The following IGSF11 variants were observed in gnomAD, a reference collection of about 807,000 sequenced individuals.
The protein encoded by IGSF11 is CXADR like 1.
Under a neutral mutation model 41.0 loss-of-function variants are expected in IGSF11, and 22 were observed. The ratio of observed to expected loss-of-function variants is 0.54; its 90% CI spans 0.38 to 0.77. The LOEUF (loss-of-function observed/expected upper bound fraction) is 0.77. Among genes scored for constraint, IGSF11 ranks in the 30% least tolerant of loss-of-function variants. The pLI, the probability that IGSF11 is intolerant of heterozygous loss-of-function variation, is 0.00. For missense variants in IGSF11, 444 were observed against 530.8 expected (o/e 0.84, Z 1.61); for synonymous variants, 219 against 201.3 (o/e 1.09, Z -0.74).
intron 1 of IGSF11, among the ~76,000 whole-genome samples, chr3:119,070,024 G>A (rs1399679551): frequency 1.3e-5 from 2 of 152,148 alleles, no homozygotes; most frequent in African/African-American, 4.8e-5. Flanking sequence ...TTAACATTGG[G>A]AAATATATTC....
chr3:119,079,675 A>G (rs1442391852), intron 1 of IGSF11, among the ~76,000 whole-genome samples: 1 of 152,236 alleles, frequency 6.6e-6, no homozygotes, highest in Non-Finnish European at 1.5e-5. Flanking sequence ...AATGTGATGC[A>G]TATATACCAT....
intron 1 of IGSF11, among the ~76,000 whole-genome samples, chr3:119,045,168 G>A (rs9882832): frequency 0.016 from 2,510 of 152,254 alleles, 75 homozygotes; most frequent in African/African-American, 0.057. Context: ...GAACAGCTCC[G>A]GTCTACAGCT....
At chr3:118,908,585 T>C (rs1939891102) in intron 4 of IGSF11, among the ~76,000 whole-genome samples, 1 of 152,174 alleles carries the variant, frequency 6.6e-6, no homozygotes, top group South Asian at 2.1e-4. Context: ...AGAGAATAAA[T>C]ATATTTTTTA....
At chr3:118,903,155 G>A (rs113252006) in intron 6 of IGSF11, among the ~76,000 whole-genome samples, 194 bp from the exon 7 acceptor site, 3 of 151,990 alleles carry the variant, frequency 2.0e-5, no homozygotes, top group African/African-American at 4.8e-5. Flanking sequence ...TTGAGACAAC[G>A]GTCAAGAAAA....
intron 1 of IGSF11, among the ~76,000 whole-genome samples, chr3:118,959,245 C>T (rs568046166): frequency 7.9e-5 from 12 of 152,180 alleles, no homozygotes; most frequent in African/African-American, 2.4e-4. Context: ...CACAAGTCTC[C>T]GCTTAGACAA....
intron 1 of IGSF11, among the ~76,000 whole-genome samples, chr3:118,992,987 A>G (rs969193487): frequency 2.6e-5 from 4 of 152,228 alleles, no homozygotes; most frequent in African/African-American, 9.6e-5. Context: ...GCACCTTGGG[A>G]GGCCAAGGCA....
chr3:119,017,487 C>T (rs1938835007), intron 1 of IGSF11, among the ~76,000 whole-genome samples: 1 of 152,166 alleles, frequency 6.6e-6, no homozygotes, highest in Non-Finnish European at 1.5e-5. Context: ...CCATTGTTAA[C>T]CAAAACATCA....
At chr3:119,000,961 G>A (rs1936762250) in intron 1 of IGSF11, among the ~76,000 whole-genome samples, 1 of 151,962 alleles carries the variant, frequency 6.6e-6, no homozygotes, top group Admixed American at 6.6e-5. Flanking sequence ...CTCTTTCATT[G>A]CCCAGCAACC....
At chr3:119,131,877 A>G (rs558107730) in intron 1 of IGSF11, among the ~76,000 whole-genome samples, 3 of 152,378 alleles carry the variant, frequency 2.0e-5, no homozygotes, top group Admixed American at 2.0e-4. Context: ...ACAAGCCAGA[A>G]GAGAGTGAGG....
chr3:118,990,339 AG>A (rs2107650991), intron 1 of IGSF11, among the ~76,000 whole-genome samples: 1 of 152,342 alleles, frequency 6.6e-6, no homozygotes, highest in East Asian at 1.9e-4. Context: ...AAAACAGGCA[AG>A]AAAGAATGGC....
At chr3:118,903,856 G>A (rs1449593496) in intron 6 of IGSF11, among the ~76,000 whole-genome samples, 1 of 152,174 alleles carries the variant, frequency 6.6e-6, no homozygotes, top group Non-Finnish European at 1.5e-5. Context: ...GTGATGCCTG[G>A]CCTAATCTAG....
intron 1 of IGSF11, among the ~76,000 whole-genome samples, chr3:119,070,712 G>C (rs1463138636): frequency 6.6e-6 from 1 of 152,046 alleles, no homozygotes; most frequent in African/African-American, 2.4e-5. Context: ...CAGATATAGA[G>C]GCACCTGTGG....
chr3:118,917,938 C>G (rs1479573697), intron 4 of IGSF11, among the ~76,000 whole-genome samples: 2 of 124,102 alleles, frequency 1.6e-5, no homozygotes, highest in Non-Finnish European at 3.2e-5. Context: ...CCCTGGGATG[C>G]AAGGCTGGTT....
intron 4 of IGSF11, among the ~76,000 whole-genome samples, chr3:118,910,021 A>T (rs1940073632): frequency 6.6e-6 from 1 of 152,232 alleles, no homozygotes; most frequent in Admixed American, 6.5e-5. Context: ...GGCCATGACC[A>T]CACACTTATC....
chr3:118,911,303 TGAA>T (rs1209468505), intron 4 of IGSF11, among the ~76,000 whole-genome samples: 3 of 152,078 alleles, frequency 2.0e-5, no homozygotes, highest in Admixed American at 2.0e-4. Flanking sequence ...AACATCTTGA[TGAA>T]GGAGAAATAA....
At chr3:119,017,945 A>G (rs1003805024) in intron 1 of IGSF11, among the ~76,000 whole-genome samples, 6 of 151,390 alleles carry the variant, frequency 4.0e-5, no homozygotes, top group Non-Finnish European at 5.9e-5. Flanking sequence ...ACCATGCCCA[A>G]CTAATTTTGT....
intron 4 of IGSF11, among the ~76,000 whole-genome samples, chr3:118,921,070 T>G (rs942957837): frequency 4.6e-5 from 7 of 152,192 alleles, no homozygotes. Context: ...TGTTAGAATA[T>G]AATGAGGCTT....
In IGSF11 at chr3:118,944,990, G is replaced by T. The variant is rs947003770; in HGVS notation, c.53-14715C>A. 5 of 152,244 alleles carry T rather than the reference G, an allele frequency of 3.3e-5. 1 individual carries two copies. Among genetic ancestry groups the T allele is most frequent in the East Asian group, 1.9e-4 (1 of 5,180 alleles). The allele number at this position is 152,244 out of a possible 1,614,324, so 9.4% of individuals were successfully genotyped here. ...AAAAGAGCACAGGACATAGAATCCA[G>T]GTACAGCTACTGACTAATTGTGTAG... On this transcript the variant is annotated intron_variant, in intron 1 of 6. Transcript: ENST00000393775.
intron 1 of IGSF11, among the ~76,000 whole-genome samples, chr3:119,045,202 T>C (rs6808915): frequency 0.23 from 34,910 of 151,882 alleles, 6,019 homozygotes; most frequent in African/African-American, 0.48. Context: ...ACACAGAATA[T>C]GGGTGATTTC....
Sources: gnomAD v4.1 joint callset for allele counts (sites outside exome capture counted in the v4.1 genomes callset) on GRCh38, gnomAD v4.1.1 for gene constraint, MANE v1.5 for transcripts, NCBI Gene and HGNC (gene_info 2026-07-23, HGNC 2026-07-21) for gene names.